The following CD72 variants were observed in gnomAD, a reference collection of about 807,000 sequenced individuals.
CD72 encodes CD72 molecule, also known as B-cell differentiation antigen CD72.
CD72 carries 28 observed loss-of-function variants against 50.7 expected under a neutral mutation model. That is an observed-to-expected ratio of 0.55 (90% CI 0.41 to 0.76). CD72 has a LOEUF of 0.76. Among genes scored for constraint, CD72 ranks in the 30% least tolerant of loss-of-function variants. The probability of loss-of-function intolerance (pLI) is 0.00; values close to 1 mark genes in which losing one functional copy is unlikely to be tolerated. For synonymous variants in CD72, 176 were observed against 171.2 expected (o/e 1.03, Z -0.22); for missense variants, 403 against 420.6 (o/e 0.96, Z 0.37).
intron 2 of CD72, 143 bp from the exon 3 acceptor site, chr9:35,617,390 C>G: frequency 4.4e-6 from 4 of 913,958 alleles, no homozygotes; most frequent in Non-Finnish European, 6.4e-6. Context: ...CACAGTGTCA[C>G]TCTCCTGAGT....
chr9:35,612,664 CTG>C, intron 6 of CD72, 182 bp downstream of exon 6: 1 of 581,454 alleles, frequency 1.7e-6, no homozygotes, highest in South Asian at 2.4e-5. Context: ...GCCTGGACCA[CTG>C]TGCTGAGAAG....
upstream of CD72, chr9:35,618,649 G>C (rs16932517): frequency 0.039 from 25,352 of 652,076 alleles, 556 homozygotes; most frequent in Non-Finnish European, 0.046. Context: ...CCCCAAACTC[G>C]GTCCTTCTGG....
intron 1 of CD72, among the ~76,000 whole-genome samples, chr9:35,644,263 T>C (rs1022052837): frequency 6.9e-6 from 1 of 145,418 alleles, no homozygotes; most frequent in South Asian, 2.1e-4. Context: ...GGAGAATCGC[T>C]TGAAACCAGG....
rs564782787 is a variant in CD72 at position 35,640,769 on chromosome 9, T to C, written n.408+5634A>G. Among the ~76,000 whole-genome samples, 99 of 152,256 alleles carry C rather than the reference T, an allele frequency of 6.5e-4. 1 individual carries two copies. In the Middle Eastern group the frequency reaches 0.027, roughly 42 times the overall value. On this transcript the variant is annotated intron_variant and non_coding_transcript_variant, in intron 1 of 3. Coordinates refer to the CD72 transcript ENST00000465754. ...ACCAGAAGAGTGCAGTTGCAAGATT[T>C]AATAGAGTGAAAACAGAGCTCCCAT...
chr9:35,615,156 A>G (rs1455011371), intron 5 of CD72, among the ~76,000 whole-genome samples: 1 of 152,126 alleles, frequency 6.6e-6, no homozygotes, highest in Non-Finnish European at 1.5e-5. Context: ...CATGGAACTG[A>G]TGGTCACAGA....
In CD72 at chr9:35,615,953, G is replaced by A. The variant is rs767297703; in HGVS notation, c.678C>T (p.Cys226=). 9 of 1,612,244 alleles carry A rather than the reference G, an allele frequency of 5.6e-6. No homozygotes were observed. In the Admixed American group the frequency reaches 6.7e-5, roughly 12 times the overall value. The part of the protein sequence containing the change: ...MENRLKPFFT[C]GSADTCCPSG... The stretch of plus-strand genomic sequence containing the variant: ...CCCCAGAGCGGATACCTGCTGAGCC[G>A]CATGTGAAGAAGGGCTTCAGTCTGT... Residue 226 remains cysteine (C), a synonymous_variant, in exon 5 of 9, where the codon TGC becomes TGT. Coordinates refer to ENST00000259633, the MANE Select transcript of CD72 (RefSeq NM_001782.3).
At chr9:35,620,657 C>A (rs1487160449), upstream of CD72, among the ~76,000 whole-genome samples, 1 of 151,972 alleles carries the variant, frequency 6.6e-6, no homozygotes, top group African/African-American at 2.4e-5. Context: ...ATGGTGAAAT[C>A]CCATCTGTAT....
At chr9:35,620,852 A>T (rs1285172569), upstream of CD72, among the ~76,000 whole-genome samples, 1 of 152,214 alleles carries the variant, frequency 6.6e-6, no homozygotes, top group Non-Finnish European at 1.5e-5. Flanking sequence ...GGGGATCCCC[A>T]GATGGAACTG....
rs548246198 is a variant in CD72 at position 35,629,501 on chromosome 9, A to C, written n.409-11380T>G. Among the ~76,000 whole-genome samples the C allele has an allele frequency of 1.6e-4, 24 of 152,336 alleles. 1 individual carries two copies. The South Asian group carries it at 4.8e-3, about 30-fold the overall frequency. ...TTTTTTCAATTAAGAGATTTAGTAC[A>C]CAGAATTGCTCTTATTTGGTACAGA... On this transcript the variant is annotated intron_variant and non_coding_transcript_variant, in intron 1 of 3. Transcript: ENST00000465754.
chr9:35,628,343 A>G (rs1220998785), intron 1 of CD72, among the ~76,000 whole-genome samples: 1 of 152,250 alleles, frequency 6.6e-6, no homozygotes, highest in East Asian at 1.9e-4. Context: ...CTGTAATCCC[A>G]GTACTTTGAG....
exon 1 of CD72, chr9:35,646,711 G>A (rs1356185968): frequency 6.6e-6 from 1 of 152,276 alleles, no homozygotes; most frequent in Non-Finnish European, 1.5e-5. Context: ...ACAAACGACT[G>A]CTTGGGAGCA....
intron 1 of CD72, among the ~76,000 whole-genome samples, chr9:35,630,278 T>TC (rs1307328241): frequency 1.3e-5 from 2 of 152,090 alleles, no homozygotes; most frequent in South Asian, 2.1e-4. Context: ...CCTCAGGTGA[T>TC]CCCCCCGCCT....
intron 1 of CD72, among the ~76,000 whole-genome samples, chr9:35,641,422 G>C (rs1340297374): frequency 1.3e-5 from 2 of 152,210 alleles, no homozygotes; most frequent in East Asian, 1.9e-4. Context: ...TACAGGCCCT[G>C]ACTATCTGCT....
intron 1 of CD72, among the ~76,000 whole-genome samples, chr9:35,644,562 G>A (rs541336002): frequency 3.9e-5 from 6 of 152,234 alleles, no homozygotes; most frequent in African/African-American, 1.4e-4. Context: ...GAGAGGTTCA[G>A]CTTCTGGAAG....
chr9:35,641,221 A>G (rs1451474773), intron 1 of CD72, among the ~76,000 whole-genome samples: 1 of 152,172 alleles, frequency 6.6e-6, no homozygotes, highest in African/African-American at 2.4e-5. Flanking sequence ...ACATCGGAGC[A>G]TGGGCTAGCA....
chr9:35,610,751 G>A lies in CD72; in HGVS notation c.953C>T (p.Thr318Ile), dbSNP rs759082146. 6.2e-7 allele frequency: 1 copy of A among 1,610,980 alleles called. No individual in the cohort carries two copies. Among genetic ancestry groups the A allele is most frequent in the East Asian group, 2.2e-5 (1 of 44,882 alleles). The change falls in exon 8 of 9, where the codon ACT becomes ATT. Residue 318 changes from threonine (T) to isoleucine (I), a missense_variant and splice_region_variant. Thr to Ile is a moderately conservative substitution (Grantham distance 89). Coordinates refer to ENST00000259633, the MANE Select transcript of CD72 (RefSeq NM_001782.3). ...GTTACATTTTGAGCTTTGAGCATAA[G>A]TCCTAAAAAGTAGTAAGGTAGAGCT... ...KLTDDTQRTRTYAQSSKCNKV... is the reference protein window; with the variant it reads ...KLTDDTQRTRIYAQSSKCNKV...
At position 35,632,564 on chromosome 9, in the gene CD72, G is replaced by C. The variant is rs57033983; in HGVS notation, n.408+13839C>G. Among the ~76,000 whole-genome samples the C allele has an allele frequency of 9.3e-5, 14 of 150,032 alleles. No individual in the cohort carries two copies. In the East Asian group the frequency reaches 2.8e-3, roughly 30 times the overall value. The stretch of plus-strand genomic sequence containing the variant: ...TCCCCCTTTAATTTGGCTTGCAAGA[G>C]GTTTATTTTATTAGCTTTTTTTTTT... On this transcript the variant is annotated intron_variant and non_coding_transcript_variant, in intron 1 of 3. Transcript: ENST00000465754.
At chr9:35,616,968 G>C in intron 3 of CD72, 1 of 1,436,384 alleles carries the variant, frequency 7.0e-7, no homozygotes, top group East Asian at 2.5e-5. Context: ...GGGCAGGTAG[G>C]TGAATTGGGA....
intron 1 of CD72, among the ~76,000 whole-genome samples, chr9:35,637,950 T>G (rs562050751): frequency 1.3e-5 from 2 of 152,308 alleles, no homozygotes; most frequent in African/African-American, 4.8e-5. Context: ...CCTTAGCCTG[T>G]GTTCTTGAAA....
Sources: allele counts gnomAD v4.1 joint callset (sites outside exome capture counted in the v4.1 genomes callset), GRCh38; gene constraint gnomAD v4.1.1; transcripts MANE v1.5; gene names NCBI Gene and HGNC (gene_info 2026-07-23, HGNC 2026-07-21).